TP53I11: variants seen among roughly 807,000 people sequenced by gnomAD.
TP53I11 encodes the protein tumor protein p53-inducible protein 11.
In TP53I11, 9 loss-of-function variants were observed where a neutral mutation model predicts 23.3. The ratio of observed to expected loss-of-function variants is 0.39; its 90% CI spans 0.23 to 0.67. TP53I11 has a LOEUF of 0.67. Among genes scored for constraint, TP53I11 ranks in the 30% least tolerant of loss-of-function variants. The pLI, the probability that TP53I11 is intolerant of heterozygous loss-of-function variation, is 0.48. For synonymous variants in TP53I11, 100 were observed against 106.1 expected, an observed-to-expected ratio of 0.94 and a Z score of 0.35; for missense variants, 170 against 255.2, an observed-to-expected ratio of 0.67 and a Z score of 2.27.
rs962560570 is a variant in TP53I11 at position 44,933,889 on chromosome 11, C to G, written c.*995G>C. On this transcript the variant is annotated 3_prime_UTR_variant, in exon 7 of 7. Transcript: ENST00000525680. ...GGGACAGGCTGAGCCCAGTGGCCATCAGGCCTTGGGGTACATGCCAAGGGG... is the reference window on the plus strand; with the variant it reads ...GGGACAGGCTGAGCCCAGTGGCCATGAGGCCTTGGGGTACATGCCAAGGGG... The G allele has an allele frequency of 1.3e-5, 2 of 153,788 alleles. No homozygotes were observed. Among genetic ancestry groups the G allele is most frequent in the African/African-American group, 4.8e-5 (2 of 41,512 alleles). The allele number at this position is 153,788 out of a possible 1,614,324, so 9.5% of individuals were successfully genotyped here.
At position 44,934,671 on chromosome 11, in the gene TP53I11, C is replaced by T; in HGVS notation, c.*213G>A. 1.6e-6 allele frequency: 1 copy of T among 628,930 alleles called. No homozygotes were observed. Among genetic ancestry groups the T allele is most frequent in the Non-Finnish European group, 2.7e-6 (1 of 371,342 alleles). 39.0% of individuals were successfully genotyped at this position (628,930 alleles called of 1,614,324 possible). A position where few individuals can be genotyped will look rare whatever the true frequency, so the allele number is the denominator to read the frequency against. On this transcript the variant is annotated 3_prime_UTR_variant, in exon 7 of 7. Coordinates refer to ENST00000525680, the MANE Select transcript of TP53I11 (RefSeq NM_006034.5). ...AAGAACAGGGCAGCAGAGGCCCTGT[C>T]TCTCCCCAGACCAGCATGTCAAGCC...
Position 44,934,771 on chromosome 11 carries a change from G to A in TP53I11, c.*113C>T. 6.9e-7 allele frequency: 1 copy of A among 1,451,186 alleles called. No homozygotes were observed. Among genetic ancestry groups the A allele is most frequent in the Non-Finnish European group, 9.3e-7 (1 of 1,074,766 alleles). The allele number at this position is 1,451,186 out of a possible 1,614,324, so 89.9% of individuals were successfully genotyped here. On this transcript the variant is annotated 3_prime_UTR_variant, in exon 7 of 7. Coordinates refer to ENST00000525680, the MANE Select transcript of TP53I11 (RefSeq NM_006034.5). ...GCCCCCCACCCCCTGCCTCCCTGGG[G>A]CAGGACTGGGGCAGGGCAGGGGACC...
chr11:44,937,271 GC>G, intron 4 of TP53I11, 32 bp downstream of exon 4: 1 of 1,534,578 alleles, frequency 6.5e-7, no homozygotes, highest in South Asian at 1.2e-5. Flanking sequence ...GCCACACGGG[GC>G]CAGATCTCAG....
At chr11:44,950,889 C>G (rs1199132947), upstream of TP53I11, 1 of 152,098 alleles carries the variant, frequency 6.6e-6, no homozygotes, top group Non-Finnish European at 1.5e-5. Flanking sequence ...AGTCTGGCGG[C>G]CCGCGCTGGT....
In TP53I11 at chr11:44,935,366, C is replaced by T. The variant is rs186621225; in HGVS notation, c.436+195G>A. 2.7e-3 allele frequency among the ~76,000 whole-genome samples: 413 copies of T among 152,262 alleles called. 2 individuals are homozygous for T. The highest frequency in any genetic ancestry group is 3.6e-3 in the Non-Finnish European group (242 of 68,002). On this transcript the variant is annotated intron_variant, in intron 6 of 6. Coordinates refer to ENST00000525680, the MANE Select transcript of TP53I11 (RefSeq NM_006034.5). ...GTGTGGATTTGGGAAGCTACAGGCA[C>T]GTGTGTTAGGCATGTGTGCACAGGT...
chr11:44,936,432 AG>A lies in TP53I11; in HGVS notation c.334+370del. Reference sequence around the variant, plus strand: ...ACAGAAGTGGCTCTGGGGATAAAATAGGGGGGGTGCGAGGGGTTTTGCAGAC... The same window carrying A: ...ACAGAAGTGGCTCTGGGGATAAAATAGGGGGGTGCGAGGGGTTTTGCAGAC... On this transcript the variant is annotated intron_variant, in intron 5 of 6. Transcript: ENST00000525680. The surrounding 1 kb of genome is among the most constrained non-coding windows in gnomAD (Gnocchi z 4.4). 1.6e-6 allele frequency: 2 copies of A among 1,232,590 alleles called. No individual in the cohort carries two copies. 76.4% of individuals were successfully genotyped at this position (1,232,590 alleles called of 1,614,324 possible).
chr11:44,947,744 T>C (rs1475574849), intron 1 of TP53I11, among the ~76,000 whole-genome samples: 2 of 152,204 alleles, frequency 1.3e-5, no homozygotes, highest in Non-Finnish European at 2.9e-5. Flanking sequence ...TGATGAGCTG[T>C]ATGCCTTTGG....
At chr11:44,941,339 C>T (rs1488978997) in intron 1 of TP53I11, among the ~76,000 whole-genome samples, 1 of 152,180 alleles carries the variant, frequency 6.6e-6, no homozygotes, top group Non-Finnish European at 1.5e-5. Flanking sequence ...CTCACTTTTC[C>T]CCTACAGCTG....
At chr11:44,944,420 T>A (rs1004851213) in intron 1 of TP53I11, among the ~76,000 whole-genome samples, 6 of 152,086 alleles carry the variant, frequency 3.9e-5, no homozygotes. Flanking sequence ...AAGATCTGAC[T>A]CCCTGCAGTC....
intron 1 of TP53I11, chr11:44,947,119 A>G (rs368144990): frequency 1.8e-5 from 8 of 456,064 alleles, no homozygotes; most frequent in South Asian, 1.1e-4. Context: ...GGGGGTCTGA[A>G]GCTGCTGCTG....
chr11:44,937,737 T>C, intron 2 of TP53I11, 124 bp from the exon 3 acceptor site: 1 of 976,758 alleles, frequency 1.0e-6, no homozygotes, highest in Non-Finnish European at 1.6e-6. Flanking sequence ...GGCCAAAGGT[T>C]CCCCCAGGTG....
chr11:44,950,366 G>A (rs1202645884), intron 1 of TP53I11, among the ~76,000 whole-genome samples: 1 of 152,198 alleles, frequency 6.6e-6, no homozygotes, highest in Non-Finnish European at 1.5e-5. Context: ...CCAGGAGGAG[G>A]GCGACCGCGG....
At chr11:44,935,484 C>G in intron 6 of TP53I11, 77 bp downstream of exon 6, 2 of 1,352,560 alleles carry the variant, frequency 1.5e-6, no homozygotes, top group Non-Finnish European at 2.1e-6. Flanking sequence ...ACTTCCCACA[C>G]ACCCAGGTGG....
At chr11:44,940,184 C>T (rs779207156) in intron 1 of TP53I11, among the ~76,000 whole-genome samples, 6 of 152,260 alleles carry the variant, frequency 3.9e-5, no homozygotes, top group Non-Finnish European at 7.3e-5. Flanking sequence ...TGGTGAGAAC[C>T]GGGTCCTTCA....
chr11:44,935,694 T>TTTTAAATGGGGGGGGGGGGGG, intron 5 of TP53I11, 32 bp from the exon 6 acceptor site: 1 of 675,756 alleles, frequency 1.5e-6, no homozygotes, highest in Non-Finnish European at 2.7e-6. Context: ...GGGCTGGGGG[T>TTTTAAATGGGGGGGGGGGGGG]GGGACAGCTG....
In TP53I11 at chr11:44,935,015, C is replaced by G. The variant is rs1860922607; in HGVS notation, c.439G>C (p.Val147Leu). 3 of 1,613,456 alleles carry G rather than the reference C, an allele frequency of 1.9e-6. No homozygotes were observed. Among genetic ancestry groups the G allele is most frequent in the African/African-American group, 2.7e-5 (2 of 74,930 alleles). Residue 147 changes from valine (V) to leucine (L), a missense_variant and splice_region_variant, in exon 7 of 7, where the codon GTC (valine) becomes CTC (leucine). Transcript: ENST00000525680. ...CCCGTCTCAGCTAGCGTGGCAGTGA[C>G]CACTGTGGGAGAGAGTCCAGCAAGG... ...ACYFGVQFLV[V>L]TATLAETGLM... is the part of the protein sequence containing the mutation.
chr11:44,948,457 C>T (rs556501254), intron 1 of TP53I11, among the ~76,000 whole-genome samples: 2 of 152,278 alleles, frequency 1.3e-5, no homozygotes, highest in South Asian at 4.2e-4. Flanking sequence ...CTCAGGGAGA[C>T]CTCCCTGACA....
At chr11:44,943,541 C>T (rs1862101771) in intron 1 of TP53I11, among the ~76,000 whole-genome samples, 1 of 152,244 alleles carries the variant, frequency 6.6e-6, no homozygotes, top group Non-Finnish European at 1.5e-5. Flanking sequence ...AACCTTTCAA[C>T]AGTGGTTCTC....
Position 44,937,633 on chromosome 11 carries a change from GAGGCAACC to G in TP53I11, c.130-28_130-21del. 1 of 1,612,564 alleles carries G rather than the reference GAGGCAACC, an allele frequency of 6.2e-7. No individual in the cohort carries two copies. Among genetic ancestry groups the G allele is most frequent in the South Asian group, 1.1e-5 (1 of 90,914 alleles). ...GCTGATCTGTGGACAGAGGGGGTCA[GAGGCAACC>G]AGGGTGAGGGCAGCTCTCAGCGCCC... On this transcript the variant is annotated intron_variant, in intron 2 of 6. Transcript: ENST00000525680.
Sources: allele counts gnomAD v4.1 joint callset (sites outside exome capture counted in the v4.1 genomes callset), GRCh38; gene constraint gnomAD v4.1.1; non-coding constraint Gnocchi (gnomAD v3.1); transcripts MANE v1.5; gene names NCBI Gene and HGNC (gene_info 2026-07-23, HGNC 2026-07-21).